Variants in ARHGAP24 observed in about 807,000 individuals in gnomAD.
ARHGAP24 encodes rho GTPase-activating protein 24.
In ARHGAP24, 50 loss-of-function variants were observed where a neutral mutation model predicts 76.4. That is an observed-to-expected ratio of 0.65 (90% confidence interval 0.52 to 0.83). The LOEUF is 0.83. ARHGAP24 is among the 40% of genes least tolerant of loss of function. The pLI, the probability that ARHGAP24 is intolerant of heterozygous loss-of-function variation, is 0.00. For synonymous variants in ARHGAP24, 345 were observed against 323.3 expected (o/e 1.07, Z -0.72); for missense variants, 930 against 914.2 (o/e 1.02, Z -0.22).
chr4:85,640,528 T>G (rs1357775808), intron 2 of ARHGAP24, among the ~76,000 whole-genome samples: 1 of 152,190 alleles, frequency 6.6e-6, no homozygotes, highest in Non-Finnish European at 1.5e-5. Flanking sequence ...TACCTTAAGA[T>G]TTTAATATTG....
At chr4:85,686,384 G>A (rs1442355077) in intron 2 of ARHGAP24, among the ~76,000 whole-genome samples, 4 of 152,160 alleles carry the variant, frequency 2.6e-5, no homozygotes, top group South Asian at 2.1e-4. Flanking sequence ...CTTAGTGTGC[G>A]AAGTGAGTAT....
At chr4:85,647,233 T>C (rs1282701134) in intron 2 of ARHGAP24, among the ~76,000 whole-genome samples, 2 of 152,122 alleles carry the variant, frequency 1.3e-5, no homozygotes, top group Non-Finnish European at 2.9e-5. Flanking sequence ...ATCGTCATAG[T>C]TGTAGTCATA....
intron 3 of ARHGAP24, among the ~76,000 whole-genome samples, chr4:85,863,642 C>A (rs1578315208): frequency 6.6e-6 from 1 of 152,008 alleles, no homozygotes; most frequent in Non-Finnish European, 1.5e-5. Flanking sequence ...CATTATTTCC[C>A]AATACCTAGA....
chr4:85,759,380 G>A (rs1029471976), intron 3 of ARHGAP24, among the ~76,000 whole-genome samples: 1 of 152,102 alleles, frequency 6.6e-6, no homozygotes, highest in Non-Finnish European at 1.5e-5. Context: ...AATATAGATA[G>A]GATTTTTACC....
At chr4:85,655,241 A>T (rs2109985382) in intron 2 of ARHGAP24, among the ~76,000 whole-genome samples, 1 of 152,268 alleles carries the variant, frequency 6.6e-6, no homozygotes, top group East Asian at 1.9e-4. Context: ...AAAATTACAT[A>T]ATTGTTTTCC....
chr4:85,562,100 C>G (rs1419744075), intron 1 of ARHGAP24, among the ~76,000 whole-genome samples: 2 of 151,920 alleles, frequency 1.3e-5, no homozygotes, highest in Non-Finnish European at 2.9e-5. Context: ...CCATATAGGC[C>G]GTGACAAAGA....
intron 1 of ARHGAP24, among the ~76,000 whole-genome samples, chr4:85,514,481 C>T (rs908157022): frequency 6.6e-6 from 1 of 151,972 alleles, no homozygotes; most frequent in African/African-American, 2.4e-5. Flanking sequence ...TTTCACATTG[C>T]TTACATTTTG....
chr4:85,543,424 G>A (rs143644917), intron 1 of ARHGAP24, among the ~76,000 whole-genome samples: 5 of 152,306 alleles, frequency 3.3e-5, no homozygotes, highest in Non-Finnish European at 5.9e-5. Context: ...GAGGGAATGC[G>A]GAGGACAGAC....
intron 3 of ARHGAP24, among the ~76,000 whole-genome samples, chr4:85,758,895 T>G (rs1726629595): frequency 6.6e-6 from 1 of 152,220 alleles, no homozygotes; most frequent in Non-Finnish European, 1.5e-5. Flanking sequence ...AGGCTTAGCA[T>G]TCAGAAGTTG....
At chr4:85,506,176 T>A (rs948759008) in intron 1 of ARHGAP24, among the ~76,000 whole-genome samples, 4 of 152,138 alleles carry the variant, frequency 2.6e-5, no homozygotes, top group Non-Finnish European at 5.9e-5. Flanking sequence ...GGGAGGTGTC[T>A]CCCAGTTAGG....
intron 5 of ARHGAP24, among the ~76,000 whole-genome samples, chr4:85,962,609 A>G (rs980009115): frequency 6.6e-6 from 1 of 152,008 alleles, no homozygotes; most frequent in African/African-American, 2.4e-5. Context: ...AGGTCACCTG[A>G]ATTGGCAATA....
At chr4:85,995,778 C>T in intron 9 of ARHGAP24, 121 bp downstream of exon 9, 1 of 975,004 alleles carries the variant, frequency 1.0e-6, no homozygotes, top group Non-Finnish European at 1.6e-6. Context: ...AAGTTTGCTC[C>T]ATCATTTATG....
At chr4:85,908,669 T>C (rs1284266797) in intron 3 of ARHGAP24, among the ~76,000 whole-genome samples, 1 of 152,138 alleles carries the variant, frequency 6.6e-6, no homozygotes, top group Non-Finnish European at 1.5e-5. Context: ...GAAGGAGATT[T>C]TCCAGTCTAA....
chr4:85,819,000 T>C (rs1729362043), intron 3 of ARHGAP24, among the ~76,000 whole-genome samples: 1 of 152,206 alleles, frequency 6.6e-6, no homozygotes, highest in Admixed American at 6.5e-5. Flanking sequence ...ATAGGGCTTA[T>C]GGAGGGAGGT....
intron 4 of ARHGAP24, among the ~76,000 whole-genome samples, chr4:85,932,511 C>T (rs1280239340): frequency 6.7e-6 from 1 of 150,102 alleles, no homozygotes; most frequent in Non-Finnish European, 1.5e-5. Flanking sequence ...CTGCTGTTCC[C>T]GATGCCTTCC....
At chr4:85,681,177 A>T (rs1026876) in intron 2 of ARHGAP24, among the ~76,000 whole-genome samples, 73,661 of 151,824 alleles carry the variant, frequency 0.49, 18,412 homozygotes, top group African/African-American at 0.58. Flanking sequence ...TCTTTTCTCA[A>T]TTTTTTTATG....
At chr4:85,762,919 A>G (rs1726785940) in intron 3 of ARHGAP24, among the ~76,000 whole-genome samples, 1 of 152,192 alleles carries the variant, frequency 6.6e-6, no homozygotes, top group South Asian at 2.1e-4. Context: ...GTATAAAACA[A>G]AGAATCTATT....
intron 1 of ARHGAP24, among the ~76,000 whole-genome samples, chr4:85,553,714 G>C (rs745555044): frequency 2.6e-5 from 4 of 152,212 alleles, no homozygotes; most frequent in Non-Finnish European, 5.9e-5. Flanking sequence ...TCAATTGCAT[G>C]TGAGATGAGT....
intron 1 of ARHGAP24, among the ~76,000 whole-genome samples, chr4:85,518,415 A>T (rs1040343532): frequency 6.6e-6 from 1 of 152,142 alleles, no homozygotes; most frequent in African/African-American, 2.4e-5. Context: ...GCATTTGGTT[A>T]CATGAGTAAG....
Sources: gnomAD v4.1 joint callset for allele counts (sites outside exome capture counted in the v4.1 genomes callset) on GRCh38, gnomAD v4.1.1 for gene constraint, MANE v1.5 for transcripts, NCBI Gene and HGNC (gene_info 2026-07-23, HGNC 2026-07-21) for gene names.